ZBBX: variants seen among roughly 807,000 people sequenced by gnomAD.
The protein encoded by ZBBX is zinc finger B-box domain containing, also known as zinc finger B-box domain-containing protein 1.
ZBBX carries 101 observed loss-of-function variants against 108.5 expected under a neutral mutation model. The observed-to-expected ratio is 0.93, with a 90% CI of 0.79 to 1.10. The LOEUF (loss-of-function observed/expected upper bound fraction) is 1.10. Among genes scored for constraint, ZBBX ranks in the 50% least tolerant of loss-of-function variants. ZBBX has a pLI of 0.00. For synonymous variants in ZBBX, 356 were observed against 323.4 expected (o/e 1.10, Z -1.08); for missense variants, 1,009 against 941.4 (o/e 1.07, Z -0.94).
chr3:167,368,037 T>C (rs1050922563), intron 5 of ZBBX, among the ~76,000 whole-genome samples: 1 of 148,986 alleles, frequency 6.7e-6, no homozygotes, highest in Admixed American at 6.7e-5. Flanking sequence ...ATTATGTATA[T>C]ATATGTGAAC....
chr3:167,397,476 C>T (rs996492546), intron 1 of ZBBX, among the ~76,000 whole-genome samples: 11 of 151,452 alleles, frequency 7.3e-5, no homozygotes, highest in African/African-American at 2.4e-4. Flanking sequence ...TGGATTATTC[C>T]CTTACTTTAT....
intron 20 of ZBBX, among the ~76,000 whole-genome samples, chr3:167,279,538 A>G (rs1354529882): frequency 6.7e-6 from 1 of 149,704 alleles, no homozygotes; most frequent in Non-Finnish European, 1.5e-5. Flanking sequence ...TCAAACTTAC[A>G]AGGGATGTGA....
rs144883081 is a variant in ZBBX at position 167,390,367 on chromosome 3, C to G, written c.-445-9962G>C. ...TGCCATGCTGTTTTGGTTACCATAG[C>G]CTTTGTAGTATACCATAGACTTGTA... On this transcript the variant is annotated intron_variant, in intron 1 of 21. Coordinates refer to the ZBBX transcript ENST00000455345. 4.0e-3 allele frequency among the ~76,000 whole-genome samples: 606 copies of G among 151,962 alleles called. 4 individuals are homozygous for G. Among genetic ancestry groups the G allele is most frequent in the African/African-American group, 0.014 (566 of 41,434 alleles).
intron 1 of ZBBX, among the ~76,000 whole-genome samples, chr3:167,390,530 A>C (rs1490972497): frequency 6.6e-6 from 1 of 152,068 alleles, no homozygotes; most frequent in East Asian, 1.9e-4. Flanking sequence ...CTTTGAAGAA[A>C]GCCAATGGTA....
At position 167,281,184 on chromosome 3, in the gene ZBBX, C is replaced by T. The variant is rs187156516; in HGVS notation, c.2254+1054G>A. Among the ~76,000 whole-genome samples the T allele has an allele frequency of 3.9e-5, 6 of 152,122 alleles. No individual in the cohort carries two copies. In the East Asian group the frequency reaches 1.2e-3, roughly 30 times the overall value. ...TGAGTTAGTGGGTGCAGCGCGCCAGCATGGCACATGTATGCAGAGGTACCA... is the reference window on the plus strand; with the variant it reads ...TGAGTTAGTGGGTGCAGCGCGCCAGTATGGCACATGTATGCAGAGGTACCA... On this transcript the variant is annotated intron_variant, in intron 20 of 21. Transcript: ENST00000675490.
chr3:167,183,004 G>A, the ZBBX span, among the ~76,000 whole-genome samples: 2 of 152,140 alleles, frequency 1.3e-5, no homozygotes, highest in Non-Finnish European at 2.9e-5. Flanking sequence ...TCTAGGCGCT[G>A]CCCAAACAGT....
intron 9 of ZBBX, among the ~76,000 whole-genome samples, chr3:167,342,972 T>C (rs972375703): frequency 1.3e-5 from 2 of 151,776 alleles, no homozygotes; most frequent in Non-Finnish European, 2.9e-5. Flanking sequence ...AGAGCTGTAA[T>C]AAAAAAGAAA....
chr3:167,389,127 T>C (rs1391064949), intron 1 of ZBBX, among the ~76,000 whole-genome samples: 1 of 151,846 alleles, frequency 6.6e-6, no homozygotes, highest in East Asian at 1.9e-4. Context: ...CTCCCTCCCC[T>C]TGCCCCCGAC....
chr3:167,339,613 C>T (rs188604762), intron 9 of ZBBX, among the ~76,000 whole-genome samples: 1 of 152,130 alleles, frequency 6.6e-6, no homozygotes, highest in East Asian at 1.9e-4. Flanking sequence ...TCCCTCAAGC[C>T]CTGTTAATTA....
chr3:167,196,721 A>C, the ZBBX span, among the ~76,000 whole-genome samples: 1 of 152,194 alleles, frequency 6.6e-6, no homozygotes, highest in African/African-American at 2.4e-5. Context: ...CTTCTAGGGT[A>C]TTAGGATTTC....
downstream of ZBBX, among the ~76,000 whole-genome samples, chr3:167,236,788 T>C (rs965673125): frequency 2.0e-5 from 3 of 151,820 alleles, no homozygotes; most frequent in African/African-American, 7.2e-5. Flanking sequence ...ATCTATACTC[T>C]GTTGAAATGT....
chr3:167,341,458 C>T (rs1334079745), intron 9 of ZBBX, among the ~76,000 whole-genome samples: 1 of 151,660 alleles, frequency 6.6e-6, no homozygotes, highest in African/African-American at 2.4e-5. Flanking sequence ...GAAAAAGTAA[C>T]ATATTGTCAA....
At chr3:167,354,335 A>T (rs1210790043) in intron 8 of ZBBX, among the ~76,000 whole-genome samples, 3 of 151,902 alleles carry the variant, frequency 2.0e-5, no homozygotes, top group Non-Finnish European at 2.9e-5. Flanking sequence ...AAAAATGGTA[A>T]GTCAGGGACC....
chr3:167,357,310 T>G (rs1435600207), intron 8 of ZBBX, among the ~76,000 whole-genome samples: 1 of 152,048 alleles, frequency 6.6e-6, no homozygotes, highest in South Asian at 2.1e-4. Context: ...ATGAAGAAAG[T>G]CATAGATAAG....
intron 4 of ZBBX, among the ~76,000 whole-genome samples, chr3:167,371,687 T>C (rs774024006): frequency 4.6e-5 from 7 of 152,204 alleles, no homozygotes; most frequent in Non-Finnish European, 7.3e-5. Context: ...TGTCCCTTTT[T>C]CTTTTTCTAT....
intron 8 of ZBBX, among the ~76,000 whole-genome samples, chr3:167,354,427 A>G (rs1743187619): frequency 6.6e-6 from 1 of 151,936 alleles, no homozygotes. Flanking sequence ...GGTATGTATC[A>G]AAATCCAAAT....
At chr3:167,280,322 T>C (rs1183243408) in intron 20 of ZBBX, among the ~76,000 whole-genome samples, 1 of 149,006 alleles carries the variant, frequency 6.7e-6, no homozygotes, top group Non-Finnish European at 1.5e-5. Context: ...AGGTAACCTA[T>C]AAAATGGGAG....
At chr3:167,253,280 A>G (rs1419084682) in intron 20 of ZBBX, among the ~76,000 whole-genome samples, 1 of 152,154 alleles carries the variant, frequency 6.6e-6, no homozygotes, top group Non-Finnish European at 1.5e-5. Flanking sequence ...AGAATAGGAA[A>G]GAGACAGTCA....
chr3:167,309,049 C>G (rs953021173), intron 16 of ZBBX, among the ~76,000 whole-genome samples: 1 of 152,088 alleles, frequency 6.6e-6, no homozygotes. Flanking sequence ...ACCTGATGAC[C>G]CAGAAGTTGC....
Sources: allele counts gnomAD v4.1 joint callset (sites outside exome capture counted in the v4.1 genomes callset), GRCh38; gene constraint gnomAD v4.1.1; transcripts MANE v1.5; gene names NCBI Gene and HGNC (gene_info 2026-07-23, HGNC 2026-07-21).